The following DCAKD variants were observed in gnomAD, a reference collection of about 807,000 sequenced individuals.
DCAKD encodes dephospho-CoA kinase domain containing.
In DCAKD, 15 loss-of-function variants were observed where a neutral mutation model predicts 18.7. That is an observed-to-expected ratio of 0.80 (90% CI 0.54 to 1.24). DCAKD has a LOEUF of 1.24. Ranked by LOEUF, DCAKD falls within the 50% of genes most tolerant of loss-of-function variation. DCAKD has a pLI of 0.00. For synonymous variants in DCAKD, 130 were observed against 133.0 expected, an observed-to-expected ratio of 0.98 and a Z score of 0.16; for missense variants, 301 against 322.0, an observed-to-expected ratio of 0.93 and a Z score of 0.50.
At chr17:45,041,189 T>G (rs2053425284) in intron 1 of DCAKD, among the ~76,000 whole-genome samples, 1 of 152,084 alleles carries the variant, frequency 6.6e-6, no homozygotes, top group South Asian at 2.1e-4. Context: ...CTTCACTGCC[T>G]TCTCCCGCCT....
Position 45,032,429 on chromosome 17 carries a change from TG to T in DCAKD, c.316+1757del, listed in dbSNP as rs978509868. On this transcript the variant is annotated intron_variant, in intron 3 of 4. Transcript: ENST00000651974. The stretch of plus-strand genomic sequence containing the variant: ...GGTATTGGCCACAGGGGGATGAGGG[TG>T]GGGGGAGGTTGCTCACTCAAGGCAT... Among the ~76,000 whole-genome samples, 95 of 143,838 alleles carry T rather than the reference TG, an allele frequency of 6.6e-4. 1 individual carries two copies. Among genetic ancestry groups the T allele is most frequent in the African/African-American group, 2.2e-3 (85 of 38,616 alleles). 94.4% of individuals were successfully genotyped at this position (143,838 alleles called of 152,430 possible).
chr17:45,058,634 C>A (rs1012642164), intron 1 of DCAKD, among the ~76,000 whole-genome samples: 2 of 151,462 alleles, frequency 1.3e-5, no homozygotes, highest in Non-Finnish European at 1.5e-5. Flanking sequence ...GTTGGCCAGG[C>A]TGGTCTCGAA....
intron 3 of DCAKD, among the ~76,000 whole-genome samples, chr17:45,032,611 G>A (rs1400222947): frequency 6.6e-6 from 1 of 151,660 alleles, no homozygotes; most frequent in African/African-American, 2.4e-5. Context: ...AGTGAAACCC[G>A]ATCTCTACTA....
rs2053014248 is a variant in DCAKD, at chr17:45,024,561, T to A, written c.568A>T (p.Ile190Phe). The A allele has an allele frequency of 6.2e-7, 1 of 1,614,000 alleles. No homozygotes were observed. The highest frequency in any genetic ancestry group is 8.5e-7 in the Non-Finnish European group (1 of 1,180,004). The change falls in exon 5 of 5, where the codon ATC becomes TTC. Residue 190 changes from isoleucine (I) to phenylalanine (F), a missense_variant. By Grantham distance (21) the Ile-to-Phe change is conservative. Transcript: ENST00000651974. ...CGCTCCAGCTCAGTGTGCAAGAGGATGACCTGGCGTTTGGTGACACTCCAC... is the reference window on the plus strand; with the variant it reads ...CGCTCCAGCTCAGTGTGCAAGAGGAAGACCTGGCGTTTGGTGACACTCCAC... ...GEWSVTKRQV[I>F]LLHTELERSL... is the part of the protein sequence containing the mutation.
intron 1 of DCAKD, among the ~76,000 whole-genome samples, chr17:45,039,004 A>G (rs1292567293): frequency 6.6e-6 from 1 of 152,246 alleles, no homozygotes; most frequent in African/African-American, 2.4e-5. Flanking sequence ...GGAGAGCTAG[A>G]TAGTACCAGA....
chr17:45,052,901 C>T (rs144849385), upstream of DCAKD, among the ~76,000 whole-genome samples: 2 of 151,696 alleles, frequency 1.3e-5, no homozygotes, highest in African/African-American at 2.4e-5. Context: ...CTGTGGCTCA[C>T]GCCTGTAATC....
chr17:45,031,624 C>G, intron 3 of DCAKD: 1 of 985,388 alleles, frequency 1.0e-6, no homozygotes, highest in Non-Finnish European at 1.2e-6. Flanking sequence ...AGATCCTCTC[C>G]GGGCCTCTTA....
chr17:45,058,030 A>T (rs1226172579), intron 1 of DCAKD, among the ~76,000 whole-genome samples: 1 of 146,320 alleles, frequency 6.8e-6, no homozygotes, highest in Non-Finnish European at 1.5e-5. Flanking sequence ...AAAAAAAAAA[A>T]AAGCCTGGGC....
chr17:45,023,816 G>C lies in DCAKD; in HGVS notation c.*617C>G, dbSNP rs773375515. ...CCTACGTGGGGAGAGGGGTCTCCCA[G>C]AAGAGGCTGGTCCTGCCTGGCTACA... On this transcript the variant is annotated 3_prime_UTR_variant, in exon 5 of 5. Coordinates refer to ENST00000651974, the MANE Select transcript of DCAKD (RefSeq NM_001288655.2). The C allele has an allele frequency of 7.2e-5, 11 of 152,638 alleles. No homozygotes were observed. The highest frequency in any genetic ancestry group is 1.0e-4 in the Non-Finnish European group (7 of 68,368). 9.5% of individuals were successfully genotyped at this position (152,638 alleles called of 1,614,324 possible). A position where few individuals can be genotyped will look rare whatever the true frequency, so the allele number is the denominator to read the frequency against.
chr17:45,033,879 G>C, intron 3 of DCAKD: 1 of 1,310,010 alleles, frequency 7.6e-7, no homozygotes, highest in Non-Finnish European at 9.8e-7. Flanking sequence ...CAGATCTATG[G>C]CTCCATTATT....
chr17:45,040,613 C>T (rs911818927), intron 1 of DCAKD, among the ~76,000 whole-genome samples: 4 of 152,078 alleles, frequency 2.6e-5, no homozygotes, highest in Non-Finnish European at 5.9e-5. Flanking sequence ...ATTCATCAGC[C>T]AAGGAGGAGC....
chr17:45,040,938 T>C (rs1289604534), intron 1 of DCAKD, among the ~76,000 whole-genome samples: 1 of 152,142 alleles, frequency 6.6e-6, no homozygotes, highest in Non-Finnish European at 1.5e-5. Flanking sequence ...TAGAATCTCC[T>C]CTGGCAGTGT....
chr17:45,058,008 CAA>C (rs1183133616), intron 1 of DCAKD, among the ~76,000 whole-genome samples: 11 of 28,992 alleles, frequency 3.8e-4, no homozygotes, highest in African/African-American at 7.0e-4. Context: ...GATTCCGTCT[CAA>C]AAAAAAAAAA....
In DCAKD at chr17:45,024,708, G is replaced by T. The variant is rs779115057; in HGVS notation, c.421C>A (p.Leu141Met). The stretch of plus-strand genomic sequence containing the variant: ...CTGTTCCGCCGCATCAGCCGTGCCA[G>T]CTGTGTGTCCCGGTCGCTAAGGATA... Reference protein sequence around the residue: ...VVVYCDRDTQLARLMRRNSLN... With the variant: ...VVVYCDRDTQMARLMRRNSLN... Residue 141 changes from leucine (L) to methionine (M), a missense_variant, in exon 5 of 5, where the codon CTG becomes ATG. By Grantham distance (15) the Leu-to-Met change is conservative (BLOSUM62 2). Transcript: ENST00000651974. 1 of 1,584,562 alleles carries T rather than the reference G, an allele frequency of 6.3e-7. No homozygotes were observed. Among genetic ancestry groups the T allele is most frequent in the South Asian group, 1.1e-5 (1 of 88,752 alleles).
intron 1 of DCAKD, among the ~76,000 whole-genome samples, chr17:45,060,087 G>C (rs2053832480): frequency 6.6e-6 from 1 of 152,154 alleles, no homozygotes; most frequent in Non-Finnish European, 1.5e-5. Context: ...CTGGGAGTCA[G>C]AGAGAGACTC....
intron 1 of DCAKD, among the ~76,000 whole-genome samples, chr17:45,058,757 C>A (rs28477362): frequency 1.1e-4 from 17 of 151,932 alleles, no homozygotes; most frequent in African/African-American, 2.9e-4. Context: ...TCTGACCCCC[C>A]CCTTCCCTGC....
intron 1 of DCAKD, among the ~76,000 whole-genome samples, chr17:45,048,381 G>A (rs2053618641): frequency 6.6e-6 from 1 of 152,116 alleles, no homozygotes. Context: ...GTTGGCTCAT[G>A]CCTGTAATCC....
chr17:45,031,947 C>A, intron 3 of DCAKD: 1 of 985,392 alleles, frequency 1.0e-6, no homozygotes, highest in Non-Finnish European at 1.2e-6. Flanking sequence ...TCATTTTTCA[C>A]CTTATCGAGC....
At chr17:45,027,376 G>A (rs918778081) in intron 4 of DCAKD, among the ~76,000 whole-genome samples, 1 of 152,216 alleles carries the variant, frequency 6.6e-6, no homozygotes, top group Non-Finnish European at 1.5e-5. Flanking sequence ...TCACACTTCA[G>A]GAGATGTCCT....
Sources: gnomAD v4.1 joint callset for allele counts (sites outside exome capture counted in the v4.1 genomes callset) on GRCh38, gnomAD v4.1.1 for gene constraint, MANE v1.5 for transcripts, NCBI Gene and HGNC (gene_info 2026-07-23, HGNC 2026-07-21) for gene names.